HS3ST4: variants seen among roughly 807,000 people sequenced by gnomAD.
HS3ST4 encodes the protein heparan sulfate-glucosamine 3-sulfotransferase 4.
In HS3ST4, 17 loss-of-function variants were observed where a neutral mutation model predicts 29.2. The ratio of observed to expected loss-of-function variants is 0.58; its 90% confidence interval spans 0.40 to 0.87. The LOEUF is 0.87. HS3ST4 is among the 40% of genes least tolerant of loss of function. HS3ST4 has a pLI of 0.00. For synonymous variants in HS3ST4, 314 were observed against 285.7 expected, an observed-to-expected ratio of 1.10 and a Z score of -1.00; for missense variants, 627 against 634.5, an observed-to-expected ratio of 0.99 and a Z score of 0.13.
intron 1 of HS3ST4, among the ~76,000 whole-genome samples, chr16:25,735,368 C>CTGTTCTCATGTCATG (rs1966600680): frequency 6.6e-6 from 1 of 151,978 alleles, no homozygotes; most frequent in Admixed American, 6.6e-5. Context: ...TGTGTTGACT[C>CTGTTCTCATGTCATG]TGTTCTCATG....
At chr16:25,860,663 T>C (rs1249926317) in intron 1 of HS3ST4, among the ~76,000 whole-genome samples, 2 of 152,272 alleles carry the variant, frequency 1.3e-5, no homozygotes, top group East Asian at 3.9e-4. Context: ...ATTCTGGATA[T>C]GGCAAAACTA....
intron 1 of HS3ST4, among the ~76,000 whole-genome samples, chr16:26,052,122 G>T (rs924344734): frequency 1.3e-5 from 2 of 152,060 alleles, no homozygotes; most frequent in African/African-American, 4.8e-5. Flanking sequence ...TCCAGAGAGG[G>T]TTGTGTCCCA....
chr16:25,703,646 G>A (rs903052356), intron 1 of HS3ST4, among the ~76,000 whole-genome samples: 1 of 152,176 alleles, frequency 6.6e-6, no homozygotes, highest in African/African-American at 2.4e-5. Flanking sequence ...TAGTTCCAGT[G>A]TGCAGATGGA....
chr16:25,823,030 A>G (rs573172490), intron 1 of HS3ST4, among the ~76,000 whole-genome samples: 1 of 152,176 alleles, frequency 6.6e-6, no homozygotes, highest in Non-Finnish European at 1.5e-5. Flanking sequence ...GAACCACTGC[A>G]CCCAGCCCAC....
At chr16:25,873,258 C>A (rs1255107350) in intron 1 of HS3ST4, among the ~76,000 whole-genome samples, 1 of 151,718 alleles carries the variant, frequency 6.6e-6, no homozygotes, top group African/African-American at 2.4e-5. Context: ...AGCAAGCCAT[C>A]CATCCATCCA....
chr16:25,818,456 G>A (rs1967117519), intron 1 of HS3ST4, among the ~76,000 whole-genome samples: 1 of 152,180 alleles, frequency 6.6e-6, no homozygotes. Flanking sequence ...AACTTCTGTT[G>A]TTTAAAAGCT....
chr16:26,046,389 C>T (rs1898267914), intron 1 of HS3ST4, among the ~76,000 whole-genome samples: 1 of 151,970 alleles, frequency 6.6e-6, no homozygotes, highest in Non-Finnish European at 1.5e-5. Flanking sequence ...GACTTCAGGC[C>T]ATCCACCTGT....
At chr16:25,971,794 A>G (rs4787793) in intron 1 of HS3ST4, among the ~76,000 whole-genome samples, 152,073 of 152,236 alleles carry the variant, frequency 1, 75,956 homozygotes, top group Middle Eastern at 1. Flanking sequence ...GTATAGTGGC[A>G]GGCCAGTGGG....
intron 1 of HS3ST4, among the ~76,000 whole-genome samples, chr16:26,113,016 A>G (rs1899152000): frequency 1.3e-5 from 2 of 152,234 alleles, no homozygotes; most frequent in Admixed American, 1.3e-4. Context: ...AGCCTTGTTC[A>G]TGAAGCAAAA....
At chr16:25,999,999 T>G (rs928673307) in intron 1 of HS3ST4, among the ~76,000 whole-genome samples, 7 of 150,256 alleles carry the variant, frequency 4.7e-5, no homozygotes, top group Non-Finnish European at 8.9e-5. Context: ...AATGTTTATC[T>G]ATTCTGTAGA....
intron 1 of HS3ST4, among the ~76,000 whole-genome samples, chr16:26,013,113 G>A (rs1969326364): frequency 6.6e-6 from 1 of 152,096 alleles, no homozygotes. Flanking sequence ...GCACTGAGCT[G>A]AGATCGTGCC....
At chr16:25,852,865 C>G (rs1967535600) in intron 1 of HS3ST4, among the ~76,000 whole-genome samples, 2 of 152,058 alleles carry the variant, frequency 1.3e-5, no homozygotes, top group South Asian at 4.2e-4. Context: ...TTTAATTCAT[C>G]TCCAGTTTAA....
intron 1 of HS3ST4, among the ~76,000 whole-genome samples, chr16:25,896,729 C>T (rs2141671439): frequency 6.6e-6 from 1 of 152,264 alleles, no homozygotes; most frequent in South Asian, 2.1e-4. Flanking sequence ...ATAGCAAAGA[C>T]ATGGAATTAA....
intron 1 of HS3ST4, among the ~76,000 whole-genome samples, chr16:25,942,800 TC>T (rs1421988517): frequency 1.3e-5 from 2 of 151,910 alleles, no homozygotes; most frequent in Admixed American, 6.6e-5. Context: ...TTAAAAACTT[TC>T]CTTAGAGACA....
At chr16:25,801,176 C>A (rs1479773956) in intron 1 of HS3ST4, among the ~76,000 whole-genome samples, 1 of 152,078 alleles carries the variant, frequency 6.6e-6, no homozygotes, top group Non-Finnish European at 1.5e-5. Context: ...TATATACGCA[C>A]ACAGACAGGA....
chr16:25,837,738 T>C (rs1231794945), intron 1 of HS3ST4, among the ~76,000 whole-genome samples: 4 of 152,184 alleles, frequency 2.6e-5, no homozygotes, highest in Non-Finnish European at 5.9e-5. Context: ...CTGTTGCATA[T>C]TAAATACTTC....
At chr16:25,842,547 G>A (rs988665521) in intron 1 of HS3ST4, among the ~76,000 whole-genome samples, 7 of 152,164 alleles carry the variant, frequency 4.6e-5, no homozygotes, top group African/African-American at 1.7e-4. Context: ...ACCTGGACTG[G>A]CATGTTTTAG....
At chr16:25,969,450 G>A (rs1185037574) in intron 1 of HS3ST4, among the ~76,000 whole-genome samples, 3 of 152,226 alleles carry the variant, frequency 2.0e-5, no homozygotes, top group Non-Finnish European at 4.4e-5. Context: ...CTTGTACAGA[G>A]CTCGTGGGGG....
chr16:25,846,110 C>A (rs1190648731), intron 1 of HS3ST4, among the ~76,000 whole-genome samples: 1 of 152,180 alleles, frequency 6.6e-6, no homozygotes, highest in South Asian at 2.1e-4. Context: ...GTCAGCAGTG[C>A]GGTCTCTTTC....
Sources: gnomAD v4.1 joint callset for allele counts (sites outside exome capture counted in the v4.1 genomes callset) on GRCh38, gnomAD v4.1.1 for gene constraint, MANE v1.5 for transcripts, NCBI Gene and HGNC (gene_info 2026-07-23, HGNC 2026-07-21) for gene names.